ADSL: variants seen among roughly 807,000 people sequenced by gnomAD.
ADSL encodes the protein adenylosuccinase.
ADSL carries 44 observed loss-of-function variants against 62.1 expected under a neutral mutation model. The ratio of observed to expected loss-of-function variants is 0.71; its 90% confidence interval spans 0.56 to 0.91. The LOEUF is 0.91. Among genes scored for constraint, ADSL ranks in the 40% least tolerant of loss-of-function variants. ADSL has a pLI of 0.00. For missense variants in ADSL, 531 were observed against 627.4 expected, an observed-to-expected ratio of 0.85 and a Z score of 1.64; for synonymous variants, 198 against 220.5, an observed-to-expected ratio of 0.90 and a Z score of 0.90.
chr22:40,382,552 A>C (rs2047740306), intron 2 of ADSL, among the ~76,000 whole-genome samples: 1 of 152,170 alleles, frequency 6.6e-6, no homozygotes, highest in African/African-American at 2.4e-5. Context: ...TAACCTCCCA[A>C]GGGAACAAGG....
chr22:40,353,530 C>CGTCTTG (rs2044429918), intron 3 of ADSL: 1 of 629,670 alleles, frequency 1.6e-6, no homozygotes, highest in Non-Finnish European at 2.9e-6. Context: ...GGGATCCACC[C>CGTCTTG]GTCTTGGCCT....
At chr22:40,374,767 C>A (rs2046273747) in intron 2 of ADSL, among the ~76,000 whole-genome samples, 1 of 152,216 alleles carries the variant, frequency 6.6e-6, no homozygotes. Context: ...GTGGTCCCAG[C>A]TACTCGGGAG....
In ADSL at chr22:40,367,534, G is replaced by A. The variant is rs1214829025; in HGVS notation, c.*1012G>A. 6.0e-6 allele frequency: 1 copy of A among 167,698 alleles called. No individual in the cohort carries two copies. Among genetic ancestry groups the A allele is most frequent in the Non-Finnish European group, 1.5e-5 (1 of 68,278 alleles). 10.4% of individuals were successfully genotyped at this position (167,698 alleles called of 1,614,324 possible). On this transcript the variant is annotated 3_prime_UTR_variant, in exon 13 of 13. Transcript: ENST00000623063. ...TTCCTTGTTGTATTTCCAATAGCAA[G>A]AGCACATCAGATACTTGGCAACTAG...
At chr22:40,356,652 C>T (rs532951685) in intron 4 of ADSL, among the ~76,000 whole-genome samples, 1 of 151,950 alleles carries the variant, frequency 6.6e-6, no homozygotes, top group South Asian at 2.1e-4. Flanking sequence ...CGAGACCAGC[C>T]TGGGCAACAT....
intron 10 of ADSL, among the ~76,000 whole-genome samples, chr22:40,363,551 C>G (rs1280385927): frequency 6.6e-6 from 1 of 152,050 alleles, no homozygotes; most frequent in Non-Finnish European, 1.5e-5. Flanking sequence ...GCCTGGCCAA[C>G]ATGGTAAAAC....
intron 2 of ADSL, among the ~76,000 whole-genome samples, chr22:40,350,701 C>A (rs1010405314): frequency 6.6e-6 from 1 of 152,084 alleles, no homozygotes; most frequent in Non-Finnish European, 1.5e-5. Context: ...TCACTGCAAC[C>A]TCTGCCTCCC....
At chr22:40,358,838 T>G in intron 4 of ADSL, 26 bp from the exon 5 acceptor site, 2 of 1,613,740 alleles carry the variant, frequency 1.2e-6, no homozygotes, top group South Asian at 2.2e-5. Context: ...GTCTGAGACT[T>G]TCGTGTGTTC....
chr22:40,352,341 C>T (rs2044378564), intron 2 of ADSL, among the ~76,000 whole-genome samples: 1 of 151,988 alleles, frequency 6.6e-6, no homozygotes, highest in African/African-American at 2.4e-5. Context: ...TCCTGGCTAA[C>T]ACAGGTGAAA....
Position 40,366,669 on chromosome 22 carries a change from C to A in ADSL, c.*147C>A. 1 of 672,520 alleles carries A rather than the reference C, an allele frequency of 1.5e-6. No individual in the cohort carries two copies. Among genetic ancestry groups the A allele is most frequent in the Non-Finnish European group, 2.7e-6 (1 of 376,744 alleles). 41.7% of individuals were successfully genotyped at this position (672,520 alleles called of 1,614,324 possible). A position where few individuals can be genotyped will look rare whatever the true frequency, so the allele number is the denominator to read the frequency against. ...CCATGGTGCTTTCCTGTTTCTCAGT[C>A]TCACATTTCTCAACAAGGCAAAAAC... is the stretch of plus-strand genomic sequence containing the variant. On this transcript the variant is annotated 3_prime_UTR_variant, in exon 13 of 13. Transcript: ENST00000623063.
Position 40,349,900 on chromosome 22 carries a change from C to G in ADSL, c.222C>G (p.Phe74Leu). 6.2e-7 allele frequency: 1 copy of G among 1,614,182 alleles called. No homozygotes were observed. ...AATCAAACCTGGAGAACATCGACTT[C>G]AAGATGGCAGCTGAGGAAGAGAAAC... ...EMKSNLENID[F>L]KMAAEEEKRL... The change falls in exon 2 of 13, where the codon TTC (phenylalanine) becomes TTG (leucine). Residue 74 changes from phenylalanine to leucine, a missense_variant. By Grantham distance (22) the Phe-to-Leu change is conservative. Around this residue, in one of 2 missense-constraint regions of ADSL, gnomAD observed 471 missense variants for 592.9 expected, o/e 0.79. Coordinates refer to ENST00000623063, the MANE Select transcript of ADSL (RefSeq NM_000026.4).
intron 2 of ADSL, among the ~76,000 whole-genome samples, chr22:40,377,813 G>A (rs957423240): frequency 6.1e-5 from 9 of 148,668 alleles, no homozygotes; most frequent in African/African-American, 2.0e-4. Context: ...GCCACTGTAC[G>A]CCAGCCTGGG....
At chr22:40,380,960 C>G (rs1184491949) in intron 2 of ADSL, among the ~76,000 whole-genome samples, 1 of 152,060 alleles carries the variant, frequency 6.6e-6, no homozygotes, top group Non-Finnish European at 1.5e-5. Flanking sequence ...ATTAAAAATA[C>G]AAGTTGCTGC....
chr22:40,364,225 CT>C, intron 10 of ADSL, 50 bp from the exon 11 acceptor site: 1 of 1,525,228 alleles, frequency 6.6e-7, no homozygotes. Flanking sequence ...GTGTTTATGA[CT>C]TTAACCTTGA....
At chr22:40,346,847 G>A (rs1716306940) in intron 1 of ADSL, 136 bp downstream of exon 1, 1 of 915,838 alleles carries the variant, frequency 1.1e-6, no homozygotes, top group Non-Finnish European at 1.6e-6. Flanking sequence ...TCCCTGTCCT[G>A]AGGAGCTGCG....
chr22:40,384,998 T>A (rs1199291894), intron 2 of ADSL, among the ~76,000 whole-genome samples: 1 of 152,206 alleles, frequency 6.6e-6, no homozygotes, highest in African/African-American at 2.4e-5. Flanking sequence ...GTGGGGAATG[T>A]CTTTTTTGGG....
At chr22:40,371,668 G>A (rs2045510995), downstream of ADSL, among the ~76,000 whole-genome samples, 1 of 151,726 alleles carries the variant, frequency 6.6e-6, no homozygotes. Flanking sequence ...TCTGTTCTTG[G>A]TGATTAATTT....
At chr22:40,359,099 C>A in intron 5 of ADSL, 64 bp downstream of exon 5, 2 of 1,602,764 alleles carry the variant, frequency 1.2e-6, no homozygotes, top group African/African-American at 2.7e-5. Flanking sequence ...ACAAGGCTGC[C>A]TTTGAGGATG....
At chr22:40,364,016 G>A (rs1240809892) in intron 10 of ADSL, among the ~76,000 whole-genome samples, 1 of 151,880 alleles carries the variant, frequency 6.6e-6, no homozygotes, top group Non-Finnish European at 1.5e-5. Flanking sequence ...GACGGAGCTT[G>A]CAGTGAGCTG....
intron 3 of ADSL, chr22:40,353,945 G>A (rs974753250): frequency 3.2e-5 from 15 of 462,436 alleles, no homozygotes; most frequent in African/African-American, 2.4e-4. Flanking sequence ...GCTTTTAAAC[G>A]AAGAGAGTGC....
Sources: allele counts gnomAD v4.1 joint callset (sites outside exome capture counted in the v4.1 genomes callset), GRCh38; gene constraint gnomAD v4.1.1; regional missense constraint gnomAD v4.1.1; transcripts MANE v1.5; gene names NCBI Gene and HGNC (gene_info 2026-07-23, HGNC 2026-07-21).